The following RNF152 variants were observed in gnomAD, a reference collection of about 807,000 sequenced individuals.
RNF152 encodes the protein E3 ubiquitin-protein ligase RNF152.
RNF152 carries 11 observed loss-of-function variants against 12.7 expected under a neutral mutation model. That is an observed-to-expected ratio of 0.86 (90% CI 0.54 to 1.43). The LOEUF (loss-of-function observed/expected upper bound fraction) is 1.43, where lower values mean the gene tolerates loss of function less well. Among genes scored for constraint, RNF152 ranks in the 40% most tolerant of loss-of-function variants. The pLI is 0.00. For synonymous variants in RNF152, 113 were observed against 120.3 expected, an observed-to-expected ratio of 0.94 and a Z score of 0.40; for missense variants, 255 against 274.8, an observed-to-expected ratio of 0.93 and a Z score of 0.51.
At position 61,814,316 on chromosome 18, in the gene RNF152, C is replaced by T. The variant is rs79890317; in HGVS notation, c.*1536G>A. ...TGCTTGTCTTTCCTTCACTTCCCCC[C>T]ACCCTCCTCACCATTTTCAGGGATT... On this transcript the variant is annotated 3_prime_UTR_variant, in exon 2 of 2. Coordinates refer to ENST00000312828, the MANE Select transcript of RNF152 (RefSeq NM_173557.3). 6.6e-6 allele frequency: 1 copy of T among 152,148 alleles called. No homozygotes were observed. Among genetic ancestry groups the T allele is most frequent in the African/African-American group, 2.4e-5 (1 of 41,422 alleles). 9.4% of individuals were successfully genotyped at this position (152,148 alleles called of 1,614,324 possible).
intron 1 of RNF152, among the ~76,000 whole-genome samples, chr18:61,874,326 T>G (rs2144743305): frequency 6.6e-6 from 1 of 152,352 alleles, no homozygotes; most frequent in African/African-American, 2.4e-5. Flanking sequence ...TCATTGGTGA[T>G]AGCCAACATA....
chr18:61,840,614 T>G (rs1001847906), intron 1 of RNF152, among the ~76,000 whole-genome samples: 3 of 152,190 alleles, frequency 2.0e-5, no homozygotes, highest in African/African-American at 7.2e-5. Context: ...CCAGGGAGCC[T>G]GAGAACTAGT....
At chr18:61,832,919 G>C (rs770105184) in intron 1 of RNF152, among the ~76,000 whole-genome samples, 4 of 152,196 alleles carry the variant, frequency 2.6e-5, no homozygotes, top group Non-Finnish European at 4.4e-5. Flanking sequence ...GCTCTTGTTA[G>C]TTAGTCTGTT....
rs1437544784 is a variant in RNF152 at position 61,813,981 on chromosome 18, A to C, written c.*1871T>G. The C allele has an allele frequency of 6.6e-6, 1 of 152,218 alleles. No homozygotes were observed. Among genetic ancestry groups the C allele is most frequent in the Non-Finnish European group, 1.5e-5 (1 of 68,050 alleles). 9.4% of individuals were successfully genotyped at this position (152,218 alleles called of 1,614,324 possible). On this transcript the variant is annotated 3_prime_UTR_variant, in exon 2 of 2. Coordinates refer to ENST00000312828, the MANE Select transcript of RNF152 (RefSeq NM_173557.3). ...TAAATCCTAGATTATTTGTTGTATA[A>C]TGCCCAAGAGCTTACACAATAAAAT...
chr18:61,886,704 C>T (rs1287152529), intron 1 of RNF152, among the ~76,000 whole-genome samples: 3 of 152,190 alleles, frequency 2.0e-5, no homozygotes, highest in African/African-American at 7.2e-5. Flanking sequence ...GACAAGACAT[C>T]CTGGGACATC....
At chr18:61,827,151 G>A (rs941855586) in intron 1 of RNF152, among the ~76,000 whole-genome samples, 1 of 152,176 alleles carries the variant, frequency 6.6e-6, no homozygotes, top group Non-Finnish European at 1.5e-5. Context: ...CTTATAGTCT[G>A]AACTTTGGCC....
chr18:61,859,739 CG>C (rs1283280002), intron 1 of RNF152, among the ~76,000 whole-genome samples: 2 of 151,996 alleles, frequency 1.3e-5, no homozygotes, highest in African/African-American at 4.8e-5. Flanking sequence ...ATTAGCCAGG[CG>C]TGGTGGCAGG....
chr18:61,880,471 G>A (rs532174647), intron 1 of RNF152, among the ~76,000 whole-genome samples: 51 of 152,258 alleles, frequency 3.3e-4, no homozygotes, highest in African/African-American at 8.2e-4. Flanking sequence ...AACTCGCCAC[G>A]TAACCTTGGA....
intron 1 of RNF152, among the ~76,000 whole-genome samples, chr18:61,857,344 A>G (rs139966146): frequency 6.1e-4 from 93 of 152,310 alleles, no homozygotes; most frequent in Non-Finnish European, 1.0e-3. Flanking sequence ...CTATGTCCAC[A>G]TGATTTTATT....
intron 1 of RNF152, among the ~76,000 whole-genome samples, chr18:61,874,013 A>G (rs1912109379): frequency 6.6e-6 from 1 of 152,202 alleles, no homozygotes; most frequent in Middle Eastern, 3.2e-3. Context: ...CATAGTTTCA[A>G]TCTCTTTATT....
At chr18:61,874,221 T>A (rs573170304) in intron 1 of RNF152, among the ~76,000 whole-genome samples, 7 of 152,364 alleles carry the variant, frequency 4.6e-5, no homozygotes, top group African/African-American at 1.7e-4. Context: ...TATTACCTCC[T>A]CGCTGCCGCA....
chr18:61,854,045 T>G (rs1048981042), intron 1 of RNF152, among the ~76,000 whole-genome samples: 2 of 152,222 alleles, frequency 1.3e-5, no homozygotes, highest in Non-Finnish European at 2.9e-5. Context: ...TGAGCCAAGC[T>G]GATACCTAAT....
At chr18:61,828,224 T>A (rs1260536444) in intron 1 of RNF152, among the ~76,000 whole-genome samples, 2 of 148,064 alleles carry the variant, frequency 1.4e-5, no homozygotes, top group Non-Finnish European at 3.0e-5. Flanking sequence ...TCAGAGAATT[T>A]GAGTTTGCGT....
intron 1 of RNF152, among the ~76,000 whole-genome samples, chr18:61,883,713 A>T (rs1055710007): frequency 1.3e-5 from 2 of 152,176 alleles, no homozygotes; most frequent in African/African-American, 2.4e-5. Flanking sequence ...GAGAAAGAGG[A>T]TGTCCTTCAT....
chr18:61,890,332 A>C lies in RNF152; in HGVS notation c.-136+2463T>G, dbSNP rs1912898159. On this transcript the variant is annotated intron_variant, in intron 1 of 1. Coordinates refer to ENST00000312828, the MANE Select transcript of RNF152 (RefSeq NM_173557.3). ...TTGAATTGTGATTAAATAGGGTCATATGCCCAGTTCTGGCCAAAGTGATGG... is the reference window on the plus strand; with the variant it reads ...TTGAATTGTGATTAAATAGGGTCATCTGCCCAGTTCTGGCCAAAGTGATGG... The C allele has an allele frequency of 2.0e-5, 3 of 152,220 alleles. No individual in the cohort carries two copies. In the South Asian group the frequency reaches 6.2e-4, roughly 32 times the overall value. The allele number at this position is 152,220 out of a possible 1,614,324, so 9.4% of individuals were successfully genotyped here.
intron 1 of RNF152, among the ~76,000 whole-genome samples, chr18:61,856,667 G>C (rs535444925): frequency 6.6e-6 from 1 of 152,260 alleles, no homozygotes; most frequent in African/African-American, 2.4e-5. Flanking sequence ...AGAGGTGAGG[G>C]GTTGGGGGAG....
At chr18:61,889,107 G>T (rs1478039253) in intron 1 of RNF152, among the ~76,000 whole-genome samples, 1 of 152,116 alleles carries the variant, frequency 6.6e-6, no homozygotes, top group African/African-American at 2.4e-5. Context: ...TCTTCCTGCT[G>T]GTCTCCAAGC....
At chr18:61,888,035 A>G (rs1163792726) in intron 1 of RNF152, 1 of 152,234 alleles carries the variant, frequency 6.6e-6, no homozygotes, top group African/African-American at 2.4e-5. Context: ...CAGGAAGTCT[A>G]TGTGATGTTT....
chr18:61,841,402 A>G (rs1421265744), intron 1 of RNF152, among the ~76,000 whole-genome samples: 1 of 152,222 alleles, frequency 6.6e-6, no homozygotes. Flanking sequence ...TTACAAAATG[A>G]CATAGCCCAC....
Sources: allele counts gnomAD v4.1 joint callset (sites outside exome capture counted in the v4.1 genomes callset), GRCh38; gene constraint gnomAD v4.1.1; transcripts MANE v1.5; gene names NCBI Gene and HGNC (gene_info 2026-07-23, HGNC 2026-07-21).